Variants in GOLM2 observed in about 807,000 individuals in gnomAD.
The protein encoded by GOLM2 is protein GOLM2.
Under a neutral mutation model 55.9 loss-of-function variants are expected in GOLM2, and 26 were observed. That is an observed-to-expected ratio of 0.47 (90% CI 0.34 to 0.65). The LOEUF is 0.65. GOLM2 is among the 30% of genes least tolerant of loss of function. The pLI is 0.01. For missense variants in GOLM2, 486 were observed against 531.8 expected, an observed-to-expected ratio of 0.91 and a Z score of 0.85; for synonymous variants, 165 against 194.6, an observed-to-expected ratio of 0.85 and a Z score of 1.27.
At chr15:44,399,122 T>A (rs2141211417) in intron 8 of GOLM2, among the ~76,000 whole-genome samples, 1 of 152,350 alleles carries the variant, frequency 6.6e-6, no homozygotes, top group African/African-American at 2.4e-5. Flanking sequence ...TCTAATATAA[T>A]TGTCTTCTTT....
chr15:44,401,292 T>G (rs549218307), intron 8 of GOLM2, among the ~76,000 whole-genome samples: 1 of 151,552 alleles, frequency 6.6e-6, no homozygotes, highest in Admixed American at 6.6e-5. Context: ...AGAGACGAGG[T>G]CTCACTCTGT....
chr15:44,397,508 C>CCA (rs10695192), intron 8 of GOLM2, among the ~76,000 whole-genome samples: 9,020 of 129,804 alleles, frequency 0.069, 489 homozygotes, highest in African/African-American at 0.15. Flanking sequence ...AAAAACAAAA[C>CCA]CACACACACA....
At chr15:44,353,068 G>C (rs1721577546) in intron 6 of GOLM2, among the ~76,000 whole-genome samples, 1 of 152,036 alleles carries the variant, frequency 6.6e-6, no homozygotes, top group Non-Finnish European at 1.5e-5. Context: ...TTAGAAAATA[G>C]ACAAAAGGTC....
At position 44,366,596 on chromosome 15, in the gene GOLM2, T is replaced by G. The variant is rs1367064782; in HGVS notation, c.803-13094T>G. On this transcript the variant is annotated intron_variant, in intron 6 of 9. Transcript: ENST00000299957. ...CTGCAGTGAACCATGATGACGCCAT[T>G]GCACTCCAACTTGGTCAACAGAACG... Among the ~76,000 whole-genome samples, 3 of 152,152 alleles carry G rather than the reference T, an allele frequency of 2.0e-5. No individual in the cohort carries two copies. The East Asian group carries it at 5.8e-4, about 29-fold the overall frequency.
At chr15:44,306,302 T>G (rs964115327) in intron 1 of GOLM2, among the ~76,000 whole-genome samples, 16 of 152,228 alleles carry the variant, frequency 1.1e-4, no homozygotes, top group African/African-American at 3.9e-4. Flanking sequence ...TTATGGAGAT[T>G]GCTTTTTTTT....
At chr15:44,351,576 C>CAAAAAAAA in intron 6 of GOLM2, among the ~76,000 whole-genome samples, 1 of 45,896 alleles carries the variant, frequency 2.2e-5, no homozygotes, top group South Asian at 8.8e-4. Flanking sequence ...GACTCTGTCT[C>CAAAAAAAA]AAAAAAAAAA....
intron 4 of GOLM2, among the ~76,000 whole-genome samples, chr15:44,334,644 A>G (rs1567028215): frequency 6.6e-6 from 1 of 152,240 alleles, no homozygotes. Flanking sequence ...AATTTTATTG[A>G]GACACAGCCA....
intron 8 of GOLM2, among the ~76,000 whole-genome samples, chr15:44,402,148 T>C (rs1160736831): frequency 6.7e-6 from 1 of 148,336 alleles, no homozygotes; most frequent in Admixed American, 6.7e-5. Context: ...TCATTTCTAA[T>C]GGTTATGAAT....
At chr15:44,346,976 T>C (rs1210432407) in intron 6 of GOLM2, among the ~76,000 whole-genome samples, 1 of 148,402 alleles carries the variant, frequency 6.7e-6, no homozygotes, top group African/African-American at 2.5e-5. Context: ...AAAAAAAAAA[T>C]GGCTAGGCAT....
At chr15:44,292,257 G>A (rs1443709315) in intron 1 of GOLM2, among the ~76,000 whole-genome samples, 1 of 149,876 alleles carries the variant, frequency 6.7e-6, no homozygotes, top group African/African-American at 2.5e-5. Context: ...GAGTACAGTG[G>A]TGTGATCTCG....
chr15:44,362,695 T>C lies in GOLM2; in HGVS notation c.803-16995T>C, dbSNP rs1194097348. On this transcript the variant is annotated intron_variant, in intron 6 of 9. Transcript: ENST00000299957. The stretch of plus-strand genomic sequence containing the variant: ...TTCACAGAATTGGAAAAAACTACTT[T>C]AAAGTTCATATGGAACCAAAAAAGA... 1.1e-4 allele frequency among the ~76,000 whole-genome samples: 16 copies of C among 152,234 alleles called. No individual in the cohort carries two copies. The East Asian group carries it at 2.7e-3, about 26-fold the overall frequency.
intron 7 of GOLM2, 32 bp from the exon 8 acceptor site, chr15:44,380,774 T>C (rs777719686): frequency 1.9e-5 from 26 of 1,359,974 alleles, no homozygotes; most frequent in Non-Finnish European, 2.5e-5. Context: ...AATTAAATTA[T>C]ATTCTTTTAA....
chr15:44,370,595 T>C (rs2079323313), intron 6 of GOLM2, among the ~76,000 whole-genome samples: 1 of 152,122 alleles, frequency 6.6e-6, no homozygotes, highest in Non-Finnish European at 1.5e-5. Context: ...AACTATGGCC[T>C]TGTAGCAACT....
intron 1 of GOLM2, among the ~76,000 whole-genome samples, chr15:44,310,839 A>G (rs2078870709): frequency 6.6e-6 from 1 of 152,174 alleles, no homozygotes; most frequent in Non-Finnish European, 1.5e-5. Context: ...CAACGTGGTG[A>G]AACCCCATAT....
chr15:44,316,764 A>C (rs1221477861), intron 1 of GOLM2, among the ~76,000 whole-genome samples: 11 of 151,866 alleles, frequency 7.2e-5, no homozygotes, highest in Admixed American at 2.6e-4. Flanking sequence ...CAAAAAAAAA[A>C]AAAACAAAAA....
intron 9 of GOLM2, among the ~76,000 whole-genome samples, chr15:44,408,556 A>G (rs2141219362): frequency 6.6e-6 from 1 of 152,370 alleles, no homozygotes; most frequent in African/African-American, 2.4e-5. Context: ...CTGAGAAGAT[A>G]ATTACAGGTC....
chr15:44,331,083 C>T (rs1158788737), intron 3 of GOLM2, among the ~76,000 whole-genome samples: 2 of 152,106 alleles, frequency 1.3e-5, no homozygotes, highest in Non-Finnish European at 2.9e-5. Context: ...GGCACAATCT[C>T]AGCTCACTGC....
Position 44,326,786 on chromosome 15 carries a change from G to A in GOLM2, c.383-1899G>A, listed in dbSNP as rs144329365. ...CCTGCCTCAGCTTCCTGAGTAGCTG[G>A]GATTACAGGCATGCGCCACCACACC... On this transcript the variant is annotated intron_variant, in intron 2 of 9. Transcript: ENST00000299957. Among the ~76,000 whole-genome samples the A allele has an allele frequency of 2.0e-3, 296 of 150,816 alleles. 1 individual carries two copies. Among genetic ancestry groups the A allele is most frequent in the African/African-American group, 6.8e-3 (280 of 41,134 alleles).
chr15:44,342,330 TC>T (rs1189563791), intron 6 of GOLM2, among the ~76,000 whole-genome samples: 2 of 152,072 alleles, frequency 1.3e-5, no homozygotes, highest in Non-Finnish European at 2.9e-5. Flanking sequence ...AGTGGCATGA[TC>T]ATGGCTCACT....
Sources: allele counts gnomAD v4.1 joint callset (sites outside exome capture counted in the v4.1 genomes callset), GRCh38; gene constraint gnomAD v4.1.1; transcripts MANE v1.5; gene names NCBI Gene and HGNC (gene_info 2026-07-23, HGNC 2026-07-21).